The following HYKK variants were observed in gnomAD, a reference collection of about 807,000 sequenced individuals.
The protein encoded by HYKK is hydroxylysine kinase.
HYKK carries 19 observed loss-of-function variants against 29.7 expected under a neutral mutation model. The observed-to-expected ratio is 0.64, with a 90% confidence interval of 0.45 to 0.94. HYKK has a LOEUF of 0.94. Among genes scored for constraint, HYKK ranks in the 40% least tolerant of loss-of-function variants. HYKK has a pLI of 0.00. For missense variants in HYKK, 390 were observed against 443.4 expected (o/e 0.88, Z 1.08); for synonymous variants, 152 against 158.1 (o/e 0.96, Z 0.29).
In HYKK at chr15:78,536,250, A is replaced by G. The variant is rs1423282630; in HGVS notation, c.*2580A>G. The G allele has an allele frequency of 6.6e-6, 1 of 152,090 alleles. No homozygotes were observed. The highest frequency in any genetic ancestry group is 1.5e-5 in the Non-Finnish European group (1 of 68,062). 9.4% of individuals were successfully genotyped at this position (152,090 alleles called of 1,614,324 possible). On this transcript the variant is annotated 3_prime_UTR_variant, in exon 5 of 5. Transcript: ENST00000388988. ...TGTAGACCATGCTCTTCACTACCAC[A>G]GAGTTCCATGCTACTTTCTCTCCCT...
At chr15:78,512,278 A>G (rs1478253109) in intron 1 of HYKK, among the ~76,000 whole-genome samples, 1 of 152,204 alleles carries the variant, frequency 6.6e-6, no homozygotes, top group East Asian at 1.9e-4. Flanking sequence ...AACTGTTACT[A>G]TAAAAGATCA....
At chr15:78,511,401 T>C (rs2052071439) in intron 1 of HYKK, among the ~76,000 whole-genome samples, 1 of 151,960 alleles carries the variant, frequency 6.6e-6, no homozygotes, top group African/African-American at 2.4e-5. Context: ...AACAGTCTCC[T>C]CCCCCGCCCA....
intron 1 of HYKK, among the ~76,000 whole-genome samples, chr15:78,510,334 C>A (rs527473293): frequency 2.6e-5 from 4 of 151,880 alleles, no homozygotes; most frequent in Non-Finnish European, 5.9e-5. Flanking sequence ...TAGGCGCCGG[C>A]CACCATGCCC....
At chr15:78,517,546 T>C (rs1053339390) in intron 3 of HYKK, among the ~76,000 whole-genome samples, 4 of 151,904 alleles carry the variant, frequency 2.6e-5, no homozygotes, top group Non-Finnish European at 4.4e-5. Flanking sequence ...ACCACTGCAC[T>C]CCAATCTGGG....
intron 3 of HYKK, among the ~76,000 whole-genome samples, chr15:78,521,820 C>A (rs1380985289): frequency 6.6e-6 from 1 of 151,956 alleles, no homozygotes; most frequent in African/African-American, 2.4e-5. Context: ...CTGAGTGAAC[C>A]CCAGGATTCT....
Position 78,533,355 on chromosome 15 carries a change from C to A in HYKK, c.807C>A (p.Thr269=), listed in dbSNP as rs1201724954. The change falls in exon 5 of 5, where the codon ACC becomes ACA. Residue 269 remains threonine, a synonymous_variant. Transcript: ENST00000388988. ...YGYYVFEVAI[T]IMYMMIESKS... The stretch of plus-strand genomic sequence containing the variant: ...ACTATGTGTTTGAAGTGGCAATTAC[C>A]ATCATGTACATGATGATTGAGAGCA... 1 of 1,614,186 alleles carries A rather than the reference C, an allele frequency of 6.2e-7. No individual in the cohort carries two copies.
intron 1 of HYKK, among the ~76,000 whole-genome samples, chr15:78,508,448 A>G (rs942810413): frequency 3.3e-5 from 5 of 152,108 alleles, no homozygotes; most frequent in African/African-American, 1.2e-4. Context: ...AAGAATCAAG[A>G]ATGACTCCTG....
chr15:78,513,366 T>G lies in HYKK; in HGVS notation c.278T>G (p.Phe93Cys). 1 of 1,614,180 alleles carries G rather than the reference T, an allele frequency of 6.2e-7. No homozygotes were observed. The highest frequency in any genetic ancestry group is 2.2e-5 in the East Asian group (1 of 44,890). ...ATCATGTTTCTGAAAGCCGCTGGAT[T>G]TCCAACAGCCTCTGTGTGTCACACT... The part of the protein sequence containing the change: ...HIIMFLKAAG[F>C]PTASVCHTKG... The change falls in exon 2 of 5, where the codon TTT becomes TGT. Residue 93 changes from phenylalanine (F) to cysteine (C), a missense_variant. Phe to Cys is a radical substitution (Grantham distance 205, BLOSUM62 -2). Transcript: ENST00000388988.
intron 3 of HYKK, among the ~76,000 whole-genome samples, chr15:78,522,148 CA>C (rs1249617294): frequency 6.6e-6 from 1 of 152,006 alleles, no homozygotes; most frequent in Non-Finnish European, 1.5e-5. Flanking sequence ...TAAATATGCA[CA>C]GTTAAAATTT....
intron 3 of HYKK, among the ~76,000 whole-genome samples, chr15:78,525,028 A>G (rs1004596016): frequency 1.3e-5 from 2 of 152,210 alleles, no homozygotes; most frequent in African/African-American, 4.8e-5. Flanking sequence ...AAGTATTCAA[A>G]CAGGCTACGT....
At chr15:78,528,839 A>T in intron 4 of HYKK, 1 of 983,502 alleles carries the variant, frequency 1.0e-6, no homozygotes, top group East Asian at 1.1e-4. Flanking sequence ...GGGCATTTCT[A>T]TCAAGGCCTA....
At position 78,513,496 on chromosome 15, in the gene HYKK, C is replaced by T. The variant is rs1198117064; in HGVS notation, c.337+71C>T. ...CACTGCATTTTGGCCACAAGTAGAA[C>T]TATGAAGAGCAGGTTCATAATTCCA... On this transcript the variant is annotated intron_variant, in intron 2 of 4. Coordinates refer to ENST00000388988, the MANE Select transcript of HYKK (RefSeq NM_001013619.4). 1.3e-5 allele frequency: 13 copies of T among 1,035,020 alleles called. No homozygotes were observed. In the East Asian group the frequency reaches 2.1e-4, roughly 17 times the overall value. The allele number at this position is 1,035,020 out of a possible 1,614,324, so 64.1% of individuals were successfully genotyped here.
intron 3 of HYKK, among the ~76,000 whole-genome samples, chr15:78,518,387 C>T (rs1292669664): frequency 6.6e-6 from 1 of 152,032 alleles, no homozygotes; most frequent in Non-Finnish European, 1.5e-5. Context: ...GTTGGCCAGG[C>T]TGGTCTTGAA....
At chr15:78,520,866 G>C (rs1463058842) in intron 3 of HYKK, among the ~76,000 whole-genome samples, 2 of 150,826 alleles carry the variant, frequency 1.3e-5, no homozygotes, top group Non-Finnish European at 3.0e-5. Flanking sequence ...CCGGGCGGGG[G>C]GCTGACCCCC....
intron 3 of HYKK, chr15:78,518,522 A>G (rs1447754884): frequency 6.7e-6 from 3 of 450,514 alleles, no homozygotes; most frequent in Non-Finnish European, 1.3e-5. Context: ...TTCATTGCCT[A>G]ACGTCTAATA....
Position 78,533,691 on chromosome 15 carries a change from A to C in HYKK, c.*21A>C. On this transcript the variant is annotated 3_prime_UTR_variant, in exon 5 of 5. Transcript: ENST00000388988. ...TGTGACTGAGATCTCCATGTGACTC[A>C]AAGTTCACTTTAACTTGGGTAATTA... 1.3e-6 allele frequency: 2 copies of C among 1,558,734 alleles called. No individual in the cohort carries two copies. The highest frequency in any genetic ancestry group is 1.7e-4 in the Middle Eastern group (1 of 5,914).
chr15:78,507,761 G>A (rs1315849362), intron 1 of HYKK, 90 bp downstream of exon 1: 1 of 152,350 alleles, frequency 6.6e-6, no homozygotes, highest in African/African-American at 2.4e-5. Context: ...CTCGCTGCAA[G>A]TGTGGAGCCG....
intron 3 of HYKK, among the ~76,000 whole-genome samples, chr15:78,523,511 C>A (rs1473473977): frequency 1.3e-5 from 2 of 152,172 alleles, no homozygotes; most frequent in Non-Finnish European, 2.9e-5. Context: ...CAGAGCCAAT[C>A]CATATTATGC....
At chr15:78,536,859 C>T (rs2052367377), downstream of HYKK, among the ~76,000 whole-genome samples, 1 of 152,194 alleles carries the variant, frequency 6.6e-6, no homozygotes, top group African/African-American at 2.4e-5. Flanking sequence ...AGATCCCCCT[C>T]ACCAATATGG....
Sources: gnomAD v4.1 joint callset for allele counts (sites outside exome capture counted in the v4.1 genomes callset) on GRCh38, gnomAD v4.1.1 for gene constraint, MANE v1.5 for transcripts, NCBI Gene and HGNC (gene_info 2026-07-23, HGNC 2026-07-21) for gene names.